Variants in GPC5 observed in about 807,000 individuals in gnomAD.
GPC5 encodes the protein glypican-5.
A neutral mutation model predicts 53.9 loss-of-function variants in GPC5; 47 were observed. The observed-to-expected ratio is 0.87, with a 90% CI of 0.69 to 1.11. The LOEUF (loss-of-function observed/expected upper bound fraction) is 1.11. Among genes scored for constraint, GPC5 ranks in the 50% most tolerant of loss-of-function variants. GPC5 has a pLI of 0.00. For synonymous variants in GPC5, 286 were observed against 263.3 expected, an observed-to-expected ratio of 1.09 and a Z score of -0.84; for missense variants, 748 against 713.1, an observed-to-expected ratio of 1.05 and a Z score of -0.56.
At chr13:91,789,224 A>G (rs1213983114) in intron 5 of GPC5, among the ~76,000 whole-genome samples, 1 of 152,170 alleles carries the variant, frequency 6.6e-6, no homozygotes, top group Non-Finnish European at 1.5e-5. Flanking sequence ...AAAAAGAAAA[A>G]AAAAAAGAAA....
intron 7 of GPC5, among the ~76,000 whole-genome samples, chr13:92,206,042 C>CAAA (rs58237718): frequency 2.2e-5 from 2 of 90,426 alleles, no homozygotes; most frequent in Non-Finnish European, 2.2e-5. Flanking sequence ...GACTCCATCT[C>CAAA]AAAAAAAAAA....
chr13:91,880,228 C>G (rs2039249347), intron 5 of GPC5, among the ~76,000 whole-genome samples: 1 of 151,952 alleles, frequency 6.6e-6, no homozygotes, highest in African/African-American at 2.4e-5. Flanking sequence ...TTTAGTGAAA[C>G]ACGTATTTAA....
At chr13:92,613,571 T>C (rs1266358857) in intron 7 of GPC5, among the ~76,000 whole-genome samples, 1 of 126,928 alleles carries the variant, frequency 7.9e-6, no homozygotes, top group Non-Finnish European at 1.6e-5. Flanking sequence ...ATAATATATA[T>C]AATATATAAT....
chr13:91,523,878 G>A (rs919730627), intron 2 of GPC5, among the ~76,000 whole-genome samples: 6 of 151,910 alleles, frequency 3.9e-5, no homozygotes, highest in Admixed American at 1.3e-4. Flanking sequence ...CACTCAAAAA[G>A]TGTTTTGAGT....
At chr13:92,022,721 C>T (rs976274548) in intron 6 of GPC5, among the ~76,000 whole-genome samples, 1 of 151,820 alleles carries the variant, frequency 6.6e-6, no homozygotes, top group Admixed American at 6.6e-5. Flanking sequence ...AAATCAGCCC[C>T]AAATATAAAA....
At chr13:91,475,793 T>C (rs1473478718) in intron 2 of GPC5, among the ~76,000 whole-genome samples, 1 of 152,132 alleles carries the variant, frequency 6.6e-6, no homozygotes, top group Admixed American at 6.5e-5. Flanking sequence ...AGGCTCAGAA[T>C]TGGTACACGG....
chr13:92,832,995 G>T (rs1417858423), intron 7 of GPC5, among the ~76,000 whole-genome samples: 1 of 152,122 alleles, frequency 6.6e-6, no homozygotes, highest in Non-Finnish European at 1.5e-5. Flanking sequence ...GACAGAGTGA[G>T]ACTGCGTCTC....
At chr13:92,771,530 AGAT>A (rs1287001908) in intron 7 of GPC5, among the ~76,000 whole-genome samples, 2 of 151,918 alleles carry the variant, frequency 1.3e-5, no homozygotes, top group Admixed American at 6.6e-5. Context: ...TTTTTAGTAG[AGAT>A]GGGGTTTCAC....
intron 2 of GPC5, among the ~76,000 whole-genome samples, chr13:91,651,631 T>C (rs2034712476): frequency 6.6e-6 from 1 of 151,802 alleles, no homozygotes; most frequent in South Asian, 2.1e-4. Context: ...GGCAGCAGAA[T>C]TGCTTGAACC....
rs568630802 is a variant in GPC5 at position 92,115,597 on chromosome 13, C to T, written c.1402-29233C>T. Among the ~76,000 whole-genome samples the T allele has an allele frequency of 4.1e-4, 62 of 152,118 alleles. 1 individual carries two copies. Among genetic ancestry groups the T allele is most frequent in the Non-Finnish European group, 8.1e-4 (55 of 68,020 alleles). On this transcript the variant is annotated intron_variant, in intron 6 of 7. Coordinates refer to ENST00000377067, the MANE Select transcript of GPC5 (RefSeq NM_004466.6). Reference sequence around the variant, plus strand: ...TGAAAACCATCAACTTCCTCTCAGTCCCTATAGCAACTCAATTTCTAGAAT... The same window carrying T: ...TGAAAACCATCAACTTCCTCTCAGTTCCTATAGCAACTCAATTTCTAGAAT...
chr13:92,144,135 T>C (rs1440809785), intron 6 of GPC5, among the ~76,000 whole-genome samples: 1 of 152,192 alleles, frequency 6.6e-6, no homozygotes, highest in Non-Finnish European at 1.5e-5. Flanking sequence ...TCAAAAGTAT[T>C]ACTGGAACTC....
rs145582149 is a variant in GPC5, at chr13:92,238,422, A to G, written c.1561+93433A>G. On this transcript the variant is annotated intron_variant, in intron 7 of 7. Coordinates refer to ENST00000377067, the MANE Select transcript of GPC5 (RefSeq NM_004466.6). ...CTAGTTTGTGTAAAGTGGTTTCTCA[A>G]TGTGGCTCTGATTTCCATTTCCCTG... 9.9e-5 allele frequency among the ~76,000 whole-genome samples: 15 copies of G among 152,156 alleles called. No homozygotes were observed. The East Asian group carries it at 2.5e-3, about 26-fold the overall frequency.
At chr13:92,236,130 A>T (rs559682195) in intron 7 of GPC5, among the ~76,000 whole-genome samples, 115 of 152,166 alleles carry the variant, frequency 7.6e-4, no homozygotes, top group African/African-American at 2.7e-3. Flanking sequence ...TCTTCTTCAA[A>T]TTTACTTGAA....
intron 6 of GPC5, among the ~76,000 whole-genome samples, chr13:92,009,253 C>CGTGTGTGTGTGT (rs3059952): frequency 0.11 from 15,976 of 139,646 alleles, 1,278 homozygotes; most frequent in South Asian, 0.18. Context: ...GCTGGATTTT[C>CGTGTGTGTGTGT]GTGTGTGTGT....
chr13:92,054,600 C>A (rs1389211804), intron 6 of GPC5, among the ~76,000 whole-genome samples: 1 of 152,092 alleles, frequency 6.6e-6, no homozygotes, highest in African/African-American at 2.4e-5. Flanking sequence ...CTAGTGAAAC[C>A]AGACTTTGAA....
rs148501819 is a variant in GPC5, at chr13:92,294,313, G to A, written c.1561+149324G>A. Reference sequence around the variant, plus strand: ...TCTGGTAGAATTCAACTGTGAATCCGTCTGGTCCTGGAGTTTTTTGTTGTT... The same window carrying A: ...TCTGGTAGAATTCAACTGTGAATCCATCTGGTCCTGGAGTTTTTTGTTGTT... On this transcript the variant is annotated intron_variant, in intron 7 of 7. Coordinates refer to ENST00000377067, the MANE Select transcript of GPC5 (RefSeq NM_004466.6). Among the ~76,000 whole-genome samples, 577 of 152,226 alleles carry A rather than the reference G, an allele frequency of 3.8e-3. 2 individuals are homozygous for A. The highest frequency in any genetic ancestry group is 6.7e-3 in the Non-Finnish European group (459 of 68,012).
chr13:91,898,949 G>T (rs1057465908), intron 5 of GPC5, among the ~76,000 whole-genome samples: 4 of 152,038 alleles, frequency 2.6e-5, no homozygotes, highest in Non-Finnish European at 5.9e-5. Flanking sequence ...AATAAATTTG[G>T]ACAACTAAGC....
intron 2 of GPC5, among the ~76,000 whole-genome samples, chr13:91,568,660 T>C (rs1322807003): frequency 6.6e-6 from 1 of 152,044 alleles, no homozygotes; most frequent in Non-Finnish European, 1.5e-5. Context: ...TCTAGGTTTG[T>C]TAATGATCAA....
chr13:91,936,871 C>T lies in GPC5; in HGVS notation c.1401+28814C>T, dbSNP rs553880445. ...ATTCCACTGCAGCTTTGACATTTTC[C>T]AAGCCAGTCATCCATTCTTCCCTGC... On this transcript the variant is annotated intron_variant, in intron 6 of 7. Transcript: ENST00000377067. Among the ~76,000 whole-genome samples the T allele has an allele frequency of 4.9e-3, 752 of 152,096 alleles. 13 individuals are homozygous for T. Among genetic ancestry groups the T allele is most frequent in the African/African-American group, 0.017 (715 of 41,534 alleles).
Sources: gnomAD v4.1 joint callset for allele counts (sites outside exome capture counted in the v4.1 genomes callset) on GRCh38, gnomAD v4.1.1 for gene constraint, MANE v1.5 for transcripts, NCBI Gene and HGNC (gene_info 2026-07-23, HGNC 2026-07-21) for gene names.